Variants in RTRAF observed in about 807,000 individuals in gnomAD.
RTRAF encodes the protein RNA transcription, translation and transport factor.
RTRAF carries 14 observed loss-of-function variants against 34.4 expected under a neutral mutation model. The ratio of observed to expected loss-of-function variants is 0.41; its 90% CI spans 0.27 to 0.64. The LOEUF (loss-of-function observed/expected upper bound fraction) is 0.64. RTRAF is among the 30% of genes least tolerant of loss of function. The probability of loss-of-function intolerance (pLI) is 0.34; values close to 1 mark genes in which losing one functional copy is unlikely to be tolerated. For missense variants in RTRAF, 291 were observed against 288.4 expected (o/e 1.01, Z -0.06); for synonymous variants, 96 against 95.3 (o/e 1.01, Z -0.04).
chr14:52,007,835 A>G lies in RTRAF; in HGVS notation c.*3319A>G. 5 of 1,614,004 alleles carry G rather than the reference A, an allele frequency of 3.1e-6. No homozygotes were observed. The highest frequency in any genetic ancestry group is 4.2e-6 in the Non-Finnish European group (5 of 1,179,958). ...CTGCATCTGCCCAGCAGAGCAGTTT[A>G]GAGAAAGGGTCAAAGGTTAAGCCAT... On this transcript the variant is annotated 3_prime_UTR_variant, in exon 8 of 8. Transcript: ENST00000261700.
chr14:51,996,238 C>T (rs1026865330), intron 3 of RTRAF, among the ~76,000 whole-genome samples: 2 of 152,078 alleles, frequency 1.3e-5, no homozygotes, highest in East Asian at 1.9e-4. Context: ...TATTAAAAGT[C>T]TAAGCTAGAA....
intron 2 of RTRAF, 86 bp from the exon 3 acceptor site, chr14:51,993,637 A>G (rs1566731604): frequency 2.6e-6 from 2 of 768,948 alleles, no homozygotes; most frequent in Admixed American, 2.7e-5. Context: ...GATCCAAACT[A>G]AGGTCTCTTT....
chr14:52,004,363 T>A lies in RTRAF; in HGVS notation c.582T>A (p.Asp194Glu), dbSNP rs146600686. 10 of 1,613,310 alleles carry A rather than the reference T, an allele frequency of 6.2e-6. No individual in the cohort carries two copies. The African/African-American group carries it at 1.2e-4, about 19-fold the overall frequency. ...CAGTGTTCTTTTCTCATAAAACAGA[T>A]GCAGTTCTTAATGAAGCTGCTCAAA... ...DKHILGFDTG[D>E]AVLNEAAQIL... Residue 194 changes from aspartate (D) to glutamate (E), a missense_variant and splice_region_variant, in exon 8 of 8, where the codon GAT becomes GAA. By Grantham distance (45) the Asp-to-Glu change is conservative. Transcript: ENST00000261700.
chr14:51,992,446 C>A (rs905440005), intron 2 of RTRAF, among the ~76,000 whole-genome samples: 3 of 152,028 alleles, frequency 2.0e-5, no homozygotes, highest in Non-Finnish European at 4.4e-5. Context: ...ACAATGATAC[C>A]TATCTCATAA....
At chr14:51,999,605 G>T in intron 4 of RTRAF, 103 bp from the exon 5 acceptor site, 1 of 697,932 alleles carries the variant, frequency 1.4e-6, no homozygotes, top group Non-Finnish European at 2.4e-6. Flanking sequence ...TAAGAGATTT[G>T]TTGCTACCGA....
rs1566736659 is a variant in RTRAF, at chr14:52,005,482, G to GTACT, written c.*972_*975dup. 3 of 1,596,734 alleles carry GTACT rather than the reference G, an allele frequency of 1.9e-6. No individual in the cohort carries two copies. Among genetic ancestry groups the GTACT allele is most frequent in the South Asian group, 2.3e-5 (2 of 87,634 alleles). ...ACTCCAAGTCTTCCTTTACATTACT[G>GTACT]TACTTACTTTCTTCCTGTGAGAGAA... On this transcript the variant is annotated 3_prime_UTR_variant, in exon 8 of 8. Coordinates refer to ENST00000261700, the MANE Select transcript of RTRAF (RefSeq NM_016039.3).
At position 52,005,908 on chromosome 14, in the gene RTRAF, G is replaced by C; in HGVS notation, c.*1392G>C. ...AGTCATTTACTAGATAAAGAAGTCA[G>C]TCAGCCACAGAAAATCAGTTGCAAT... On this transcript the variant is annotated 3_prime_UTR_variant, in exon 8 of 8. Transcript: ENST00000261700. 1 of 1,292,860 alleles carries C rather than the reference G, an allele frequency of 7.7e-7. No individual in the cohort carries two copies. The highest frequency in any genetic ancestry group is 1.1e-6 in the Non-Finnish European group (1 of 890,682). 80.1% of individuals were successfully genotyped at this position (1,292,860 alleles called of 1,614,324 possible). A position where few individuals can be genotyped will look rare whatever the true frequency, so the allele number is the denominator to read the frequency against.
At position 52,004,207 on chromosome 14, in the gene RTRAF, C is replaced by A. The variant is rs1486157956; in HGVS notation, c.545C>A (p.Ala182Asp). 5 of 1,613,152 alleles carry A rather than the reference C, an allele frequency of 3.1e-6. No homozygotes were observed. Among genetic ancestry groups the A allele is most frequent in the Non-Finnish European group, 4.2e-6 (5 of 1,179,376 alleles). The change falls in exon 7 of 8, where the codon GCT becomes GAT. Residue 182 changes from alanine to aspartate, a missense_variant. By Grantham distance (126) the Ala-to-Asp change is moderately radical. Transcript: ENST00000261700. Reference protein sequence around the residue: ...ANQTKEGLPVALDKHILGFDT... With the variant: ...ANQTKEGLPVDLDKHILGFDT... ...CTTTTTTTAAAGGGCTTACCTGTTG[C>A]TTTAGACAAACATATTCTTGGTTTT...
At chr14:51,998,281 G>T in intron 3 of RTRAF, 1 of 409,338 alleles carries the variant, frequency 2.4e-6, no homozygotes, top group Non-Finnish European at 4.4e-6. Context: ...AATGAATTTT[G>T]TGTTTAGACT....
intron 2 of RTRAF, among the ~76,000 whole-genome samples, chr14:51,992,411 A>G (rs1566731233): frequency 6.6e-6 from 1 of 152,082 alleles, no homozygotes; most frequent in East Asian, 1.9e-4. Flanking sequence ...CCGTGTCTCA[A>G]TTTTTTCATC....
At chr14:51,992,508 G>C (rs1373836020) in intron 2 of RTRAF, among the ~76,000 whole-genome samples, 5 of 152,146 alleles carry the variant, frequency 3.3e-5, no homozygotes, top group African/African-American at 1.2e-4. Flanking sequence ...CTGGCGCATA[G>C]CAAGTGTGAT....
intron 3 of RTRAF, among the ~76,000 whole-genome samples, chr14:51,997,770 A>G (rs1890542932): frequency 1.8e-5 from 2 of 114,248 alleles, no homozygotes. Context: ...TACAGCATTC[A>G]AAAGAAGATG....
At chr14:51,993,147 A>C (rs1159778194) in intron 2 of RTRAF, among the ~76,000 whole-genome samples, 1 of 152,192 alleles carries the variant, frequency 6.6e-6, no homozygotes, top group Admixed American at 6.5e-5. Flanking sequence ...GAACCTAAAC[A>C]GTTATTATCC....
At position 52,006,717 on chromosome 14, in the gene RTRAF, T is replaced by C; in HGVS notation, c.*2201T>C. ...TCAGCTGCTTTGCCAAAAATGATAG[T>C]GACATAGTGATAGTGACACAGTGAT... On this transcript the variant is annotated 3_prime_UTR_variant, in exon 8 of 8. Coordinates refer to ENST00000261700, the MANE Select transcript of RTRAF (RefSeq NM_016039.3). 1 of 1,586,452 alleles carries C rather than the reference T, an allele frequency of 6.3e-7. No individual in the cohort carries two copies. Among genetic ancestry groups the C allele is most frequent in the East Asian group, 2.2e-5 (1 of 44,568 alleles).
intron 3 of RTRAF, among the ~76,000 whole-genome samples, chr14:51,996,456 C>T (rs1274629280): frequency 6.6e-6 from 1 of 151,882 alleles, no homozygotes; most frequent in Non-Finnish European, 1.5e-5. Context: ...TTTTTGAAGC[C>T]TTTTGGTAGC....
Position 52,007,862 on chromosome 14 carries a change from G to A in RTRAF, c.*3346G>A. 4.3e-6 allele frequency: 7 copies of A among 1,613,888 alleles called. No individual in the cohort carries two copies. The highest frequency in any genetic ancestry group is 5.9e-6 in the Non-Finnish European group (7 of 1,179,860). ...AGAAAGGGTCAAAGGTTAAGCCATT[G>A]GGCAATCCAATGTCTGTATTGATCA... On this transcript the variant is annotated 3_prime_UTR_variant, in exon 8 of 8. Transcript: ENST00000261700.
chr14:51,990,991 C>T (rs972269886), intron 1 of RTRAF, among the ~76,000 whole-genome samples: 4 of 152,086 alleles, frequency 2.6e-5, no homozygotes, highest in African/African-American at 9.7e-5. Flanking sequence ...TTAAATAAAA[C>T]AACTTCTTTT....
rs1487634899 is a variant in RTRAF, at chr14:52,005,267, T to TA, written c.*754dup. On this transcript the variant is annotated 3_prime_UTR_variant, in exon 8 of 8. Transcript: ENST00000261700. Reference sequence around the variant, plus strand: ...AACAGTTAAAATTCTGTTACCTTTTTAAACTTGCAATAACAACCTTCATTT... The same window carrying TA: ...AACAGTTAAAATTCTGTTACCTTTTTAAAACTTGCAATAACAACCTTCATTT... 2.5e-6 allele frequency: 1 copy of TA among 397,792 alleles called. No homozygotes were observed. The highest frequency in any genetic ancestry group is 4.4e-6 in the Non-Finnish European group (1 of 225,384). 24.6% of individuals were successfully genotyped at this position (397,792 alleles called of 1,614,324 possible). A position where few individuals can be genotyped will look rare whatever the true frequency, so the allele number is the denominator to read the frequency against.
At position 52,004,342 on chromosome 14, in the gene RTRAF, G is replaced by GTTCT. The variant is rs776906059; in HGVS notation, c.581-17_581-14dup. The GTTCT allele has an allele frequency of 1.9e-6, 3 of 1,612,162 alleles. No individual in the cohort carries two copies. Among genetic ancestry groups the GTTCT allele is most frequent in the Middle Eastern group, 1.7e-4 (1 of 6,056 alleles). ...TGTAAAAATTATGTATTGAAGCAGTGTTCTTTTCTCATAAAACAGATGCAG... is the reference window on the plus strand; with the variant it reads ...TGTAAAAATTATGTATTGAAGCAGTGTTCTTTCTTTTCTCATAAAACAGATGCAG... On this transcript the variant is annotated intron_variant, in intron 7 of 7. Coordinates refer to ENST00000261700, the MANE Select transcript of RTRAF (RefSeq NM_016039.3).
Sources: allele counts gnomAD v4.1 joint callset (sites outside exome capture counted in the v4.1 genomes callset), GRCh38; gene constraint gnomAD v4.1.1; transcripts MANE v1.5; gene names NCBI Gene and HGNC (gene_info 2026-07-23, HGNC 2026-07-21).